ERGIC1: variants seen among roughly 807,000 people sequenced by gnomAD.
ERGIC1 encodes endoplasmic reticulum-Golgi intermediate compartment protein 1.
ERGIC1 carries 19 observed loss-of-function variants against 38.3 expected under a neutral mutation model. That is an observed-to-expected ratio of 0.50 (90% CI 0.35 to 0.73). ERGIC1 has a LOEUF of 0.73. Among genes scored for constraint, ERGIC1 ranks in the 30% least tolerant of loss-of-function variants. The pLI is 0.01. For synonymous variants in ERGIC1, 124 were observed against 157.6 expected, an observed-to-expected ratio of 0.79 and a Z score of 1.60; for missense variants, 294 against 389.2, an observed-to-expected ratio of 0.76 and a Z score of 2.06.
intron 9 of ERGIC1, among the ~76,000 whole-genome samples, chr5:172,941,376 C>G (rs752321223): frequency 3.4e-4 from 51 of 152,068 alleles, no homozygotes; most frequent in Non-Finnish European, 6.0e-4. Context: ...CTCTTTTAGC[C>G]CCCCCAGCAA....
At chr5:172,878,509 G>A (rs746189561) in intron 1 of ERGIC1, among the ~76,000 whole-genome samples, 5 of 152,166 alleles carry the variant, frequency 3.3e-5, no homozygotes, top group Non-Finnish European at 7.4e-5. Context: ...AGTGTAAGCC[G>A]AGGCTTCGTG....
intron 1 of ERGIC1, among the ~76,000 whole-genome samples, chr5:172,865,877 CAT>C (rs1761848522): frequency 6.6e-6 from 1 of 152,126 alleles, no homozygotes; most frequent in South Asian, 2.1e-4. Context: ...CATATAGAAT[CAT>C]ATAGAATCAC....
intron 2 of ERGIC1, among the ~76,000 whole-genome samples, chr5:172,894,079 AT>A (rs1033756404): frequency 5.8e-5 from 3 of 51,416 alleles, no homozygotes; most frequent in Non-Finnish European, 1.2e-4. Flanking sequence ...ATTGTTAACT[AT>A]TTTTTTCTTT....
chr5:172,894,206 T>TC (rs1353732684), intron 2 of ERGIC1, among the ~76,000 whole-genome samples: 8 of 137,682 alleles, frequency 5.8e-5, no homozygotes, highest in Non-Finnish European at 1.6e-5. Flanking sequence ...TTTTTTTTTT[T>TC]TTTTTTTGAG....
chr5:172,834,314 G>GGGGGC lies in ERGIC1; in HGVS notation c.-92_-88dup. 3 of 1,107,732 alleles carry GGGGGC rather than the reference G, an allele frequency of 2.7e-6. No individual in the cohort carries two copies. Among genetic ancestry groups the GGGGGC allele is most frequent in the Non-Finnish European group, 3.3e-6 (3 of 897,014 alleles). 68.6% of individuals were successfully genotyped at this position (1,107,732 alleles called of 1,614,324 possible). ...GGCGAGTGTCAGGGGGGCGGCCGGC[G>GGGGGC]GGGGCGGGGCGGCCGGAGGAGGCGT... On this transcript the variant is annotated 5_prime_UTR_variant, in exon 1 of 10. Transcript: ENST00000393784. This position sits in a 1 kb window ranked among gnomAD's most constrained non-coding sequence, Gnocchi z 4.1.
intron 1 of ERGIC1, among the ~76,000 whole-genome samples, chr5:172,853,385 G>A (rs1455002678): frequency 6.6e-6 from 1 of 152,180 alleles, no homozygotes; most frequent in Non-Finnish European, 1.5e-5. Context: ...GGAGGAGCTG[G>A]TCAGGCCACC....
intron 5 of ERGIC1, chr5:172,920,491 G>C: frequency 1.4e-6 from 1 of 716,860 alleles, no homozygotes; most frequent in South Asian, 1.5e-5. Context: ...TGGGGTGAGG[G>C]GTATGGGGCC....
intron 1 of ERGIC1, among the ~76,000 whole-genome samples, chr5:172,874,122 G>A (rs182710677): frequency 6.6e-5 from 10 of 151,952 alleles, no homozygotes; most frequent in African/African-American, 1.9e-4. Context: ...TCTGTCCCCC[G>A]GGCTGGAGTG....
chr5:172,914,664 C>T, intron 4 of ERGIC1, 50 bp from the exon 5 acceptor site: 2 of 1,613,608 alleles, frequency 1.2e-6, no homozygotes, highest in Non-Finnish European at 1.7e-6. Context: ...TGGCCCCCAT[C>T]CTCCCGCGTC....
At chr5:172,860,063 A>G (rs1292104859) in intron 1 of ERGIC1, among the ~76,000 whole-genome samples, 1 of 152,140 alleles carries the variant, frequency 6.6e-6, no homozygotes, top group East Asian at 1.9e-4. Context: ...TAACCATCCC[A>G]TGCTCCTATA....
In ERGIC1 at chr5:172,952,320, TTG is replaced by T. The variant is rs1220105748; in HGVS notation, c.*1507_*1508del. On this transcript the variant is annotated 3_prime_UTR_variant, in exon 10 of 10. Coordinates refer to ENST00000393784, the MANE Select transcript of ERGIC1 (RefSeq NM_001031711.3). ...CCTTGTGCATGTGAGTTGACTGATG[TTG>T]TGAGTGTAAATGCATTTGGTTATTT... is the stretch of plus-strand genomic sequence containing the variant. 1 of 151,964 alleles carries T rather than the reference TTG, an allele frequency of 6.6e-6. No homozygotes were observed. The highest frequency in any genetic ancestry group is 1.5e-5 in the Non-Finnish European group (1 of 68,002). The allele number at this position is 151,964 out of a possible 1,614,324, so 9.4% of individuals were successfully genotyped here.
rs569106190 is a variant in ERGIC1, at chr5:172,912,548, C to T, written c.251-2166C>T. Among the ~76,000 whole-genome samples the T allele has an allele frequency of 9.2e-5, 14 of 151,960 alleles. No individual in the cohort carries two copies. The South Asian group carries it at 1.5e-3, about 16-fold the overall frequency. On this transcript the variant is annotated intron_variant, in intron 4 of 9. Transcript: ENST00000393784. The stretch of plus-strand genomic sequence containing the variant: ...GATTACAGGTGCCCGCCACCGTGCC[C>T]GGCTAATTTTTTGTATTCTTAGTAG...
intron 9 of ERGIC1, 196 bp downstream of exon 9, chr5:172,935,506 G>T (rs571561861): frequency 4.9e-5 from 31 of 629,316 alleles, no homozygotes; most frequent in South Asian, 3.6e-4. Context: ...CAGTATCGAT[G>T]ACGTTTTGTC....
At chr5:172,902,556 G>A (rs981849050) in intron 3 of ERGIC1, among the ~76,000 whole-genome samples, 1 of 152,186 alleles carries the variant, frequency 6.6e-6, no homozygotes, top group African/African-American at 2.4e-5. Flanking sequence ...TGGGAGCTGG[G>A]GGATGACCCA....
chr5:172,890,928 C>T (rs1762545191), intron 2 of ERGIC1, among the ~76,000 whole-genome samples: 1 of 152,216 alleles, frequency 6.6e-6, no homozygotes, highest in Middle Eastern at 3.2e-3. Context: ...CTTTGAGAGC[C>T]CTGAGGAAGG....
intron 4 of ERGIC1, among the ~76,000 whole-genome samples, chr5:172,912,954 G>C (rs1163257643): frequency 6.6e-6 from 1 of 152,154 alleles, no homozygotes; most frequent in Non-Finnish European, 1.5e-5. Context: ...GGTTTTAGTA[G>C]AGATGGGGTT....
At chr5:172,923,072 T>TGGG (rs1763564561) in intron 5 of ERGIC1, among the ~76,000 whole-genome samples, 1 of 148,986 alleles carries the variant, frequency 6.7e-6, no homozygotes, top group Non-Finnish European at 1.5e-5. Context: ...TCTGAGCATC[T>TGGG]AGGAGGAGGA....
chr5:172,851,787 C>T (rs549683462), intron 1 of ERGIC1, among the ~76,000 whole-genome samples: 1 of 152,068 alleles, frequency 6.6e-6, no homozygotes, highest in South Asian at 2.1e-4. Context: ...GTCTGGATGC[C>T]CCTGGGTAAA....
chr5:172,950,567 G>T, intron 9 of ERGIC1, 142 bp from the exon 10 acceptor site: 1 of 561,012 alleles, frequency 1.8e-6, no homozygotes, highest in South Asian at 3.6e-5. Flanking sequence ...CGGACTTGGT[G>T]ACTATGTAGT....
Sources: allele counts gnomAD v4.1 joint callset (sites outside exome capture counted in the v4.1 genomes callset), GRCh38; gene constraint gnomAD v4.1.1; non-coding constraint Gnocchi (gnomAD v3.1); transcripts MANE v1.5; gene names NCBI Gene and HGNC (gene_info 2026-07-23, HGNC 2026-07-21).